Variants in CADPS2 observed in about 807,000 individuals in gnomAD.
The protein encoded by CADPS2 is calcium-dependent secretion activator 2.
A neutral mutation model predicts 172.5 loss-of-function variants in CADPS2; 93 were observed. The ratio of observed to expected loss-of-function variants is 0.54; its 90% CI spans 0.46 to 0.64. The LOEUF is 0.64. Among genes scored for constraint, CADPS2 ranks in the 30% least tolerant of loss-of-function variants. CADPS2 has a pLI of 0.00. For missense variants in CADPS2, 1,420 were observed against 1,565.9 expected, an observed-to-expected ratio of 0.91 and a Z score of 1.57; for synonymous variants, 546 against 555.2, an observed-to-expected ratio of 0.98 and a Z score of 0.23.
At chr7:122,858,805 A>C (rs1024815217) in intron 1 of CADPS2, among the ~76,000 whole-genome samples, 1 of 152,230 alleles carries the variant, frequency 6.6e-6, no homozygotes, top group African/African-American at 2.4e-5. Flanking sequence ...TTGGGGGCAT[A>C]GTGAGGTCCC....
chr7:122,700,011 C>G (rs1197638187), intron 2 of CADPS2, among the ~76,000 whole-genome samples: 2 of 152,194 alleles, frequency 1.3e-5, no homozygotes, highest in African/African-American at 4.8e-5. Flanking sequence ...GCTCTGTCCA[C>G]TCTGCCTATG....
chr7:122,388,774 C>T, intron 22 of CADPS2, 36 bp from the exon 23 acceptor site: 3 of 1,559,648 alleles, frequency 1.9e-6, no homozygotes, highest in Non-Finnish European at 2.6e-6. Flanking sequence ...TCATGAACTC[C>T]CCGTTAATTA....
chr7:122,603,610 T>G (rs953598155), intron 6 of CADPS2, among the ~76,000 whole-genome samples: 4 of 152,076 alleles, frequency 2.6e-5, no homozygotes, highest in Non-Finnish European at 5.9e-5. Context: ...ACTGTTTCCT[T>G]CATACCAATG....
At chr7:122,810,762 TA>T (rs1799851672) in intron 1 of CADPS2, among the ~76,000 whole-genome samples, 1 of 152,140 alleles carries the variant, frequency 6.6e-6, no homozygotes, top group Non-Finnish European at 1.5e-5. Context: ...GGCTAATTTT[TA>T]AAAATTTTTT....
At chr7:122,337,482 G>A (rs1302885003) in intron 28 of CADPS2, among the ~76,000 whole-genome samples, 3 of 152,128 alleles carry the variant, frequency 2.0e-5, no homozygotes, top group African/African-American at 7.2e-5. Context: ...ACACTTTCTG[G>A]TTGAGTTTCT....
intron 6 of CADPS2, among the ~76,000 whole-genome samples, chr7:122,598,655 A>G (rs1170943414): frequency 6.6e-6 from 1 of 152,086 alleles, no homozygotes; most frequent in Non-Finnish European, 1.5e-5. Context: ...CAGTCAGTGA[A>G]TATCTATAGT....
At chr7:122,872,428 T>C (rs1312026809) in intron 1 of CADPS2, among the ~76,000 whole-genome samples, 1 of 152,004 alleles carries the variant, frequency 6.6e-6, no homozygotes, top group Non-Finnish European at 1.5e-5. Context: ...GCTTATAATA[T>C]AAAACACGTC....
At chr7:122,783,133 G>A (rs774783956) in intron 1 of CADPS2, among the ~76,000 whole-genome samples, 13 of 150,514 alleles carry the variant, frequency 8.6e-5, no homozygotes, top group African/African-American at 1.7e-4. Context: ...GGAGAATGGC[G>A]TGAACCTGGG....
chr7:122,475,064 T>C (rs1306576917), intron 12 of CADPS2, among the ~76,000 whole-genome samples: 1 of 152,198 alleles, frequency 6.6e-6, no homozygotes, highest in Non-Finnish European at 1.5e-5. Context: ...GGGAGCATCA[T>C]GTTTGCGCAA....
At chr7:122,465,267 A>G (rs929982509) in intron 14 of CADPS2, among the ~76,000 whole-genome samples, 1 of 152,210 alleles carries the variant, frequency 6.6e-6, no homozygotes, top group Non-Finnish European at 1.5e-5. Context: ...GAAAATCATA[A>G]CTTGCCCAAA....
chr7:122,637,137 G>C (rs2134374604), intron 3 of CADPS2, among the ~76,000 whole-genome samples: 1 of 130,708 alleles, frequency 7.7e-6, no homozygotes, highest in South Asian at 2.4e-4. Context: ...GGACTATTCT[G>C]CTGTAATGCT....
chr7:122,860,428 T>G (rs920268426), intron 1 of CADPS2, among the ~76,000 whole-genome samples: 2 of 152,058 alleles, frequency 1.3e-5, no homozygotes, highest in Non-Finnish European at 2.9e-5. Flanking sequence ...AGAGGCAGGG[T>G]CTCACTTTGT....
chr7:122,412,606 A>C (rs1347406102), intron 19 of CADPS2, among the ~76,000 whole-genome samples: 1 of 152,202 alleles, frequency 6.6e-6, no homozygotes, highest in Non-Finnish European at 1.5e-5. Flanking sequence ...CAAATACCAA[A>C]TTACTGCCAA....
In CADPS2 at chr7:122,836,744, T is replaced by C. The variant is rs562625736; in HGVS notation, c.339+49255A>G. ...AAGAGCTAACTATCTTAAATATATA[T>C]GCACCCAATACAGGAGCACCCAGAT... is the stretch of plus-strand genomic sequence containing the variant. On this transcript the variant is annotated intron_variant, in intron 1 of 29. Transcript: ENST00000449022. 3.3e-5 allele frequency among the ~76,000 whole-genome samples: 5 copies of C among 152,316 alleles called. No individual in the cohort carries two copies. The East Asian group carries it at 5.8e-4, about 18-fold the overall frequency.
intron 2 of CADPS2, among the ~76,000 whole-genome samples, chr7:122,667,366 A>G (rs2081291491): frequency 1.3e-5 from 2 of 152,228 alleles, no homozygotes. Flanking sequence ...ACAGAGTCAG[A>G]GCTAGATTCC....
At chr7:122,681,768 T>C (rs976403645) in intron 2 of CADPS2, 3 of 518,708 alleles carry the variant, frequency 5.8e-6, no homozygotes, top group African/African-American at 2.0e-5. Context: ...AAAAACAACA[T>C]CTAAAAAAAA....
At position 122,351,177 on chromosome 7, in the gene CADPS2, T is replaced by C. The variant is rs190748110; in HGVS notation, c.3505-5496A>G. Among the ~76,000 whole-genome samples, 243 of 151,490 alleles carry C rather than the reference T, an allele frequency of 1.6e-3. 2 individuals are homozygous for C. Among genetic ancestry groups the C allele is most frequent in the Middle Eastern group, 6.8e-3 (2 of 292 alleles). ...TCAGGAGATAAGAGACCATCCTGGC[T>C]AACACGGTGTGTTACTAAACATCGT... On this transcript the variant is annotated intron_variant, in intron 27 of 29. Coordinates refer to ENST00000449022, the MANE Select transcript of CADPS2 (RefSeq NM_017954.11).
intron 27 of CADPS2, among the ~76,000 whole-genome samples, chr7:122,346,682 C>T (rs1027176235): frequency 6.6e-6 from 1 of 152,096 alleles, no homozygotes; most frequent in Non-Finnish European, 1.5e-5. Flanking sequence ...GATTAAATAC[C>T]TTTCCAAAGT....
chr7:122,674,499 G>T (rs2082200773), intron 2 of CADPS2, among the ~76,000 whole-genome samples: 1 of 152,186 alleles, frequency 6.6e-6, no homozygotes, highest in Non-Finnish European at 1.5e-5. Flanking sequence ...ATATACCAAA[G>T]AAGTCACTGA....
Sources: gnomAD v4.1 joint callset for allele counts (sites outside exome capture counted in the v4.1 genomes callset) on GRCh38, gnomAD v4.1.1 for gene constraint, MANE v1.5 for transcripts, NCBI Gene and HGNC (gene_info 2026-07-23, HGNC 2026-07-21) for gene names.